PTPRD: variants seen among roughly 807,000 people sequenced by gnomAD.
The protein encoded by PTPRD is receptor-type tyrosine-protein phosphatase delta.
Under a neutral mutation model 214.5 loss-of-function variants are expected in PTPRD, and 34 were observed. The observed-to-expected ratio is 0.16, with a 90% confidence interval of 0.12 to 0.21. The LOEUF is 0.21. Ranked by LOEUF, PTPRD falls within the 10% of genes least tolerant of loss-of-function variation. The pLI, the probability that PTPRD is intolerant of heterozygous loss-of-function variation, is 1.00. For missense variants in PTPRD, 2,545 were observed against 2,398.7 expected (o/e 1.06, Z -1.27); for synonymous variants, 1,128 against 845.7 (o/e 1.33, Z -5.79).
Position 9,343,693 on chromosome 9 carries a change from T to G in PTPRD, c.-203+53756A>C, listed in dbSNP as rs1250693165. Among the ~76,000 whole-genome samples, 3 of 152,154 alleles carry G rather than the reference T, an allele frequency of 2.0e-5. No individual in the cohort carries two copies. The East Asian group carries it at 5.8e-4, about 29-fold the overall frequency. On this transcript the variant is annotated intron_variant, in intron 9 of 45. Coordinates refer to ENST00000381196, the MANE Select transcript of PTPRD (RefSeq NM_002839.4). ...AACAAGCAGTGCTATGAAAAATGTT[T>G]CATTCGAAAATCACAAACAGGAGGG...
At chr9:10,038,445 C>A (rs1406944293) in intron 3 of PTPRD, among the ~76,000 whole-genome samples, 5 of 152,014 alleles carry the variant, frequency 3.3e-5, no homozygotes, top group African/African-American at 2.4e-5. Context: ...ATTTTGTGTT[C>A]TCTATCTCAG....
intron 3 of PTPRD, among the ~76,000 whole-genome samples, chr9:10,193,186 T>C (rs1342420093): frequency 6.6e-6 from 1 of 152,160 alleles, no homozygotes; most frequent in African/African-American, 2.4e-5. Flanking sequence ...ATTGTCATTT[T>C]ATCTTTTTTT....
At chr9:9,383,012 G>T (rs542002672) in intron 9 of PTPRD, among the ~76,000 whole-genome samples, 1 of 149,856 alleles carries the variant, frequency 6.7e-6, no homozygotes, top group East Asian at 2.0e-4. Flanking sequence ...CAACAACATG[G>T]GTGAATCTGA....
chr9:9,508,822 A>C (rs976859168), intron 8 of PTPRD, among the ~76,000 whole-genome samples: 11 of 151,558 alleles, frequency 7.3e-5, no homozygotes, highest in African/African-American at 2.4e-4. Context: ...GCAGGATTTA[A>C]CCACTTTTGT....
chr9:8,898,482 A>G (rs996042631), intron 11 of PTPRD, among the ~76,000 whole-genome samples: 1 of 152,184 alleles, frequency 6.6e-6, no homozygotes, highest in Non-Finnish European at 1.5e-5. Flanking sequence ...CCAGATTTCT[A>G]TTTTATATGG....
chr9:10,171,055 T>A (rs2099201284), intron 3 of PTPRD, among the ~76,000 whole-genome samples: 1 of 152,202 alleles, frequency 6.6e-6, no homozygotes, highest in South Asian at 2.1e-4. Flanking sequence ...TATATATTTG[T>A]TGAAATACAT....
In PTPRD at chr9:10,182,098, C is replaced by CA. The variant is rs34271343; in HGVS notation, c.-544-148309dup. ...GTGAAACCTGTCTCTACTAAAAATA[C>CA]AAAAAAAAAAAAAAATCCGGGTGTG... On this transcript the variant is annotated intron_variant, in intron 3 of 45. Transcript: ENST00000381196. Among the ~76,000 whole-genome samples the CA allele has an allele frequency of 5.1e-3, 612 of 120,964 alleles. 5 individuals are homozygous for CA. Among genetic ancestry groups the CA allele is most frequent in the East Asian group, 0.034 (144 of 4,182 alleles). The allele number at this position is 120,964 out of a possible 152,430, so 79.4% of individuals were successfully genotyped here.
chr9:8,680,330 C>T (rs904338206), intron 12 of PTPRD, among the ~76,000 whole-genome samples: 3 of 152,174 alleles, frequency 2.0e-5, no homozygotes, highest in Non-Finnish European at 4.4e-5. Flanking sequence ...CCTTAGGAAA[C>T]ATAATTGCCT....
intron 14 of PTPRD, among the ~76,000 whole-genome samples, chr9:8,557,112 C>T (rs1321490007): frequency 6.6e-6 from 1 of 152,014 alleles, no homozygotes; most frequent in African/African-American, 2.4e-5. Context: ...AGCAGGGCCA[C>T]AGTGGAAGGG....
intron 14 of PTPRD, among the ~76,000 whole-genome samples, chr9:8,612,411 T>C (rs1460142512): frequency 1.3e-5 from 2 of 152,222 alleles, no homozygotes; most frequent in Admixed American, 6.5e-5. Flanking sequence ...CTGGCAGCTG[T>C]ACCTGAATTA....
chr9:8,577,676 A>T (rs1021649511), intron 14 of PTPRD, among the ~76,000 whole-genome samples: 4 of 152,162 alleles, frequency 2.6e-5, no homozygotes, highest in African/African-American at 9.7e-5. Flanking sequence ...GCCTGTCTCT[A>T]TTCTGGAAAC....
chr9:8,924,923 A>G (rs1034552727), intron 11 of PTPRD, among the ~76,000 whole-genome samples: 2 of 152,150 alleles, frequency 1.3e-5, no homozygotes, highest in Admixed American at 6.6e-5. Flanking sequence ...CATTTACAAC[A>G]TGGTTGCCAT....
chr9:9,750,846 A>G (rs866458173), intron 6 of PTPRD, among the ~76,000 whole-genome samples: 9 of 152,158 alleles, frequency 5.9e-5, no homozygotes, highest in African/African-American at 2.2e-4. Context: ...CTTCCTCCAA[A>G]GGCCCAAGGT....
chr9:9,149,030 A>G (rs981409602), intron 10 of PTPRD, among the ~76,000 whole-genome samples: 4 of 152,288 alleles, frequency 2.6e-5, no homozygotes, highest in African/African-American at 9.6e-5. Context: ...TATAATGAAG[A>G]ACTTTATTTT....
intron 9 of PTPRD, among the ~76,000 whole-genome samples, chr9:9,195,886 A>G (rs891131205): frequency 1.3e-5 from 2 of 152,164 alleles, no homozygotes; most frequent in Non-Finnish European, 2.9e-5. Flanking sequence ...TTGTTTCATT[A>G]TTATTAAATA....
At chr9:9,630,321 C>A (rs2095550422) in intron 7 of PTPRD, among the ~76,000 whole-genome samples, 2 of 152,120 alleles carry the variant, frequency 1.3e-5, no homozygotes, top group Non-Finnish European at 2.9e-5. Context: ...TTTCCAGTTA[C>A]CTAAGAAGAG....
chr9:9,329,863 T>C (rs904406388), intron 9 of PTPRD, among the ~76,000 whole-genome samples: 8 of 152,332 alleles, frequency 5.3e-5, no homozygotes, highest in Middle Eastern at 3.4e-3. Context: ...TTGAACACAA[T>C]CATTCATGTT....
intron 3 of PTPRD, among the ~76,000 whole-genome samples, chr9:10,223,178 T>A (rs1269179751): frequency 2.0e-5 from 3 of 151,950 alleles, no homozygotes; most frequent in African/African-American, 7.2e-5. Flanking sequence ...CTTGCTAGTC[T>A]CTTTCCCCTC....
At chr9:10,179,875 A>T (rs1431606033) in intron 3 of PTPRD, among the ~76,000 whole-genome samples, 2 of 152,112 alleles carry the variant, frequency 1.3e-5, no homozygotes. Context: ...ATAACTGCAA[A>T]ACTAAGCATA....
Sources: allele counts gnomAD v4.1 joint callset (sites outside exome capture counted in the v4.1 genomes callset), GRCh38; gene constraint gnomAD v4.1.1; transcripts MANE v1.5; gene names NCBI Gene and HGNC (gene_info 2026-07-23, HGNC 2026-07-21).